The following SNTG1 variants were observed in gnomAD, a reference collection of about 807,000 sequenced individuals.
The protein encoded by SNTG1 is gamma-1-syntrophin.
Under a neutral mutation model 74.7 loss-of-function variants are expected in SNTG1, and 39 were observed. The observed-to-expected ratio is 0.52, with a 90% CI of 0.40 to 0.68. The LOEUF (loss-of-function observed/expected upper bound fraction) is 0.68. SNTG1 is among the 30% of genes least tolerant of loss of function. The pLI is 0.00. For synonymous variants in SNTG1, 254 were observed against 217.1 expected (o/e 1.17, Z -1.49); for missense variants, 685 against 609.5 (o/e 1.12, Z -1.30).
intron 1 of SNTG1, among the ~76,000 whole-genome samples, chr8:50,140,772 A>G (rs1163809187): frequency 6.6e-6 from 1 of 152,140 alleles, no homozygotes; most frequent in Non-Finnish European, 1.5e-5. Flanking sequence ...TTCCTTCTTT[A>G]TGGGAGGATC....
chr8:49,956,799 T>C (rs548637688), intron 1 of SNTG1, among the ~76,000 whole-genome samples: 3 of 152,266 alleles, frequency 2.0e-5, no homozygotes, highest in East Asian at 1.9e-4. Context: ...AATGGGACTT[T>C]AAGAACCATG....
chr8:49,958,708 T>C (rs564531250), intron 1 of SNTG1, among the ~76,000 whole-genome samples: 29 of 152,304 alleles, frequency 1.9e-4, no homozygotes, highest in Admixed American at 6.5e-4. Context: ...CGTGAGCCAC[T>C]ACGCCCAGCC....
chr8:50,710,457 A>G (rs2095458482), intron 17 of SNTG1, among the ~76,000 whole-genome samples: 1 of 152,180 alleles, frequency 6.6e-6, no homozygotes, highest in Non-Finnish European at 1.5e-5. Flanking sequence ...AAATAAATTT[A>G]GAAACAAATT....
intron 4 of SNTG1, among the ~76,000 whole-genome samples, chr8:50,417,838 A>G (rs914376884): frequency 2.6e-5 from 4 of 152,020 alleles, no homozygotes; most frequent in African/African-American, 9.7e-5. Context: ...ATTACCACAG[A>G]TGATCTGTCT....
At chr8:50,783,408 C>G (rs987843215) in intron 18 of SNTG1, among the ~76,000 whole-genome samples, 1 of 152,246 alleles carries the variant, frequency 6.6e-6, no homozygotes, top group African/African-American at 2.4e-5. Flanking sequence ...ATGGCAGGCG[C>G]CCCTCCCCCA....
At chr8:50,569,367 T>C (rs1399026161) in intron 12 of SNTG1, among the ~76,000 whole-genome samples, 7 of 152,126 alleles carry the variant, frequency 4.6e-5, no homozygotes, top group African/African-American at 1.2e-4. Context: ...TTCACCCATC[T>C]TTCTATATTT....
intron 2 of SNTG1, among the ~76,000 whole-genome samples, chr8:50,309,226 G>A (rs554472712): frequency 9.9e-5 from 15 of 152,056 alleles, no homozygotes; most frequent in African/African-American, 2.4e-4. Flanking sequence ...AGTTTCTTTC[G>A]AAATCTGTGT....
intron 17 of SNTG1, among the ~76,000 whole-genome samples, chr8:50,740,737 T>C (rs1480537679): frequency 6.6e-6 from 1 of 151,950 alleles, no homozygotes; most frequent in Non-Finnish European, 1.5e-5. Context: ...ATGGAGTCAA[T>C]CTAAATGCCC....
chr8:50,148,527 A>G (rs1350500508), intron 1 of SNTG1, among the ~76,000 whole-genome samples: 1 of 152,118 alleles, frequency 6.6e-6, no homozygotes, highest in African/African-American at 2.4e-5. Context: ...CATTTACATT[A>G]CATATATCTC....
At chr8:50,206,024 T>C (rs550126000) in intron 2 of SNTG1, among the ~76,000 whole-genome samples, 1 of 152,336 alleles carries the variant, frequency 6.6e-6, no homozygotes, top group African/African-American at 2.4e-5. Context: ...TTTGTTCTTT[T>C]GGCTTAGGGT....
chr8:50,320,999 G>C (rs2090507160), intron 2 of SNTG1, among the ~76,000 whole-genome samples: 1 of 152,068 alleles, frequency 6.6e-6, no homozygotes, highest in South Asian at 2.1e-4. Context: ...GCTGTTGGGT[G>C]AAACGTTCTG....
At chr8:50,351,920 A>G (rs2091673382) in intron 2 of SNTG1, among the ~76,000 whole-genome samples, 1 of 152,254 alleles carries the variant, frequency 6.6e-6, no homozygotes, top group South Asian at 2.1e-4. Flanking sequence ...AATTAAAAAT[A>G]AATATTGAGA....
At chr8:50,177,809 T>A (rs1172277518) in intron 2 of SNTG1, among the ~76,000 whole-genome samples, 3 of 152,202 alleles carry the variant, frequency 2.0e-5, no homozygotes, top group African/African-American at 7.2e-5. Context: ...CATGGAACCA[T>A]CATTACAGTG....
At chr8:50,515,387 G>GTTTTTTTTTTT (rs34086906) in intron 9 of SNTG1, among the ~76,000 whole-genome samples, 3 of 80,384 alleles carry the variant, frequency 3.7e-5, no homozygotes, top group African/African-American at 9.3e-5. Context: ...AGCTGCAGGA[G>GTTTTTTTTTTT]TTTTTTTTTT....
chr8:50,401,626 A>T lies in SNTG1; in HGVS notation c.28-584A>T, dbSNP rs60273928. Reference sequence around the variant, plus strand: ...GTGTATGTGAGTGCGTGTTCATGCAAGTCTGTGCATGTGTGTATGCATGCA... The same window carrying T: ...GTGTATGTGAGTGCGTGTTCATGCATGTCTGTGCATGTGTGTATGCATGCA... On this transcript the variant is annotated intron_variant, in intron 3 of 18. Transcript: ENST00000642720. Among the ~76,000 whole-genome samples, 1,375 of 152,054 alleles carry T rather than the reference A, an allele frequency of 9.0e-3. 26 individuals are homozygous for T. The highest frequency in any genetic ancestry group is 0.031 in the African/African-American group (1,303 of 41,476).
At chr8:50,664,725 T>C (rs991064634) in intron 15 of SNTG1, among the ~76,000 whole-genome samples, 11 of 152,114 alleles carry the variant, frequency 7.2e-5, no homozygotes, top group African/African-American at 2.7e-4. Context: ...ACAGTTGCAA[T>C]GATCAGGTTC....
At chr8:50,056,537 A>G (rs1172114366) in intron 1 of SNTG1, among the ~76,000 whole-genome samples, 1 of 152,162 alleles carries the variant, frequency 6.6e-6, no homozygotes, top group Non-Finnish European at 1.5e-5. Context: ...TTAAATTTTC[A>G]GGCCCTGGAG....
chr8:50,237,983 A>G (rs981441728), intron 2 of SNTG1, among the ~76,000 whole-genome samples: 1 of 152,128 alleles, frequency 6.6e-6, no homozygotes, highest in African/African-American at 2.4e-5. Context: ...TTTTTAAGAT[A>G]AGACACATCA....
At chr8:50,292,404 C>T (rs146474877) in intron 2 of SNTG1, among the ~76,000 whole-genome samples, 1,649 of 152,140 alleles carry the variant, frequency 0.011, 7 homozygotes, top group Non-Finnish European at 0.016. Flanking sequence ...ATGCTGCGGT[C>T]CTGAGGAACA....
Sources: gnomAD v4.1 joint callset for allele counts (sites outside exome capture counted in the v4.1 genomes callset) on GRCh38, gnomAD v4.1.1 for gene constraint, MANE v1.5 for transcripts, NCBI Gene and HGNC (gene_info 2026-07-23, HGNC 2026-07-21) for gene names.